CATSPERE: variants seen among roughly 807,000 people sequenced by gnomAD.
CATSPERE encodes cation channel sperm-associated auxiliary subunit epsilon.
Under a neutral mutation model 114.1 loss-of-function variants are expected in CATSPERE, and 93 were observed. The observed-to-expected ratio is 0.81, with a 90% CI of 0.69 to 0.97. CATSPERE has a LOEUF of 0.97. CATSPERE is among the 50% of genes least tolerant of loss of function. The pLI is 0.00. For missense variants in CATSPERE, 1,058 were observed against 1,131.6 expected (o/e 0.93, Z 0.93); for synonymous variants, 341 against 384.1 (o/e 0.89, Z 1.31).
chr1:244,510,835 CTTTTT>C (rs747921082), intron 7 of CATSPERE, among the ~76,000 whole-genome samples: 2 of 48,342 alleles, frequency 4.1e-5, no homozygotes, highest in African/African-American at 6.9e-5. Context: ...TTTTCTTTTT[CTTTTT>C]TTTTTTTTTT....
chr1:244,500,416 G>A (rs1673848049), intron 7 of CATSPERE, among the ~76,000 whole-genome samples: 1 of 152,068 alleles, frequency 6.6e-6, no homozygotes, highest in Non-Finnish European at 1.5e-5. Flanking sequence ...TGAAGTCTTT[G>A]CCCATGCCTA....
rs991088889 is a variant in CATSPERE at position 244,510,251 on chromosome 1, G to A, written c.430-8341G>A. Among the ~76,000 whole-genome samples the A allele has an allele frequency of 7.2e-5, 11 of 152,128 alleles. No individual in the cohort carries two copies. The South Asian group carries it at 1.2e-3, about 17-fold the overall frequency. ...AGCAGTGCTTTTACAGCATCCCATA[G>A]ATTTTGATATGTTGTGTTTCTATCT... On this transcript the variant is annotated intron_variant, in intron 7 of 21. Coordinates refer to ENST00000366534, the MANE Select transcript of CATSPERE (RefSeq NM_001130957.2).
At chr1:244,566,300 G>A (rs368419035) in intron 10 of CATSPERE, among the ~76,000 whole-genome samples, 9 of 152,256 alleles carry the variant, frequency 5.9e-5, no homozygotes, top group Admixed American at 1.3e-4. Context: ...CGTATATTCT[G>A]TCAATTTGGG....
At chr1:244,520,297 T>C (rs1375272886) in intron 8 of CATSPERE, among the ~76,000 whole-genome samples, 1 of 151,544 alleles carries the variant, frequency 6.6e-6, no homozygotes, top group Admixed American at 6.6e-5. Context: ...ATATTTGGTC[T>C]ATATTTGCAG....
upstream of CATSPERE, among the ~76,000 whole-genome samples, chr1:244,460,321 T>C (rs1373160907): frequency 6.6e-6 from 1 of 152,136 alleles, no homozygotes; most frequent in African/African-American, 2.4e-5. Context: ...CTAAGATCGG[T>C]GCTCGAGAGA....
At chr1:244,586,335 C>T (rs575774757) in intron 13 of CATSPERE, among the ~76,000 whole-genome samples, 8 of 152,246 alleles carry the variant, frequency 5.3e-5, no homozygotes, top group African/African-American at 1.9e-4. Context: ...AGAGAAGAAA[C>T]ATTGCAAATG....
chr1:244,461,576 C>T, intron 1 of CATSPERE, 82 bp downstream of exon 1: 1 of 1,165,118 alleles, frequency 8.6e-7, no homozygotes, highest in Non-Finnish European at 1.1e-6. Flanking sequence ...GCTCTCCACC[C>T]CATGCGCCTC....
At chr1:244,623,740 T>C (rs1206878998) in intron 20 of CATSPERE, among the ~76,000 whole-genome samples, 3 of 152,222 alleles carry the variant, frequency 2.0e-5, no homozygotes, top group African/African-American at 7.2e-5. Flanking sequence ...ACAAAACTTA[T>C]GTTTACACTA....
chr1:244,560,883 C>T lies in CATSPERE; in HGVS notation c.1245C>T (p.Val415=). 1 of 1,614,098 alleles carries T rather than the reference C, an allele frequency of 6.2e-7. No homozygotes were observed. The highest frequency in any genetic ancestry group is 8.5e-7 in the Non-Finnish European group (1 of 1,180,000). The part of the protein sequence containing the change: ...VFLNYCTVCN[V]TKKIFLVIYN... ...TAAATTATTGCACTGTATGTAACGTCACCAAAAAGATTTTCTTAGTGATAT... is the reference window on the plus strand; with the variant it reads ...TAAATTATTGCACTGTATGTAACGTTACCAAAAAGATTTTCTTAGTGATAT... Residue 415 remains valine, a synonymous_variant, in exon 10 of 22, where the codon GTC becomes GTT. Transcript: ENST00000366534.
chr1:244,548,522 G>T (rs1660112783), intron 8 of CATSPERE, among the ~76,000 whole-genome samples: 1 of 151,992 alleles, frequency 6.6e-6, no homozygotes, highest in Admixed American at 6.5e-5. Context: ...CTTTGGATAT[G>T]AATTTGTCTT....
Position 244,573,122 on chromosome 1 carries a change from C to A in CATSPERE, c.1950+350C>A, listed in dbSNP as rs1173172832. On this transcript the variant is annotated intron_variant, in intron 11 of 21. Transcript: ENST00000366534. The surrounding 1 kb of genome is among the most constrained non-coding windows in gnomAD (Gnocchi z 4.0). The stretch of plus-strand genomic sequence containing the variant: ...AAACCTAATTGCTTAGAACAACAAC[C>A]AATTCTGGGCCGGGCATGGTGGCTC... 4.6e-5 allele frequency among the ~76,000 whole-genome samples: 7 copies of A among 151,976 alleles called. No homozygotes were observed. The highest frequency in any genetic ancestry group is 1.7e-4 in the African/African-American group (7 of 41,426).
chr1:244,486,800 G>T (rs113878185), intron 5 of CATSPERE, among the ~76,000 whole-genome samples: 10 of 94,362 alleles, frequency 1.1e-4, no homozygotes, highest in South Asian at 3.9e-4. Flanking sequence ...TCGTGGGCCA[G>T]GTGTAGACCC....
intron 18 of CATSPERE, among the ~76,000 whole-genome samples, chr1:244,606,621 T>TC (rs1670040133): frequency 6.7e-6 from 1 of 150,224 alleles, no homozygotes; most frequent in Non-Finnish European, 1.5e-5. Context: ...TTTTTTTTTT[T>TC]TTAAGAGTCT....
intron 8 of CATSPERE, among the ~76,000 whole-genome samples, chr1:244,532,187 TTTTA>T (rs1679723347): frequency 1.3e-5 from 2 of 152,122 alleles, no homozygotes; most frequent in South Asian, 2.1e-4. Flanking sequence ...TCATCCCCAA[TTTTA>T]TTTATTTGAG....
intron 7 of CATSPERE, among the ~76,000 whole-genome samples, chr1:244,510,900 A>G (rs1675644650): frequency 7.8e-6 from 1 of 128,034 alleles, no homozygotes; most frequent in African/African-American, 3.0e-5. Context: ...CTGGAGTGCA[A>G]TGGCACCATC....
At chr1:244,456,469 C>T (rs1572175657), upstream of CATSPERE, among the ~76,000 whole-genome samples, 1 of 151,952 alleles carries the variant, frequency 6.6e-6, no homozygotes, top group South Asian at 2.1e-4. Flanking sequence ...GAAAAATGAG[C>T]GCTTACATCA....
intron 6 of CATSPERE, among the ~76,000 whole-genome samples, chr1:244,497,762 A>C (rs1673351801): frequency 2.0e-5 from 3 of 152,190 alleles, no homozygotes; most frequent in Non-Finnish European, 4.4e-5. Flanking sequence ...GCACCATTGC[A>C]CTCCAGCCTG....
intron 9 of CATSPERE, among the ~76,000 whole-genome samples, chr1:244,553,602 T>TAC (rs67626437): frequency 0.29 from 26,729 of 91,802 alleles, 4,069 homozygotes; most frequent in Middle Eastern, 0.36. Context: ...AAAAAAAAAA[T>TAC]ACACACACAC....
intron 3 of CATSPERE, 72 bp downstream of exon 3, chr1:244,477,686 A>T (rs1321624744): frequency 1.8e-6 from 2 of 1,099,860 alleles, no homozygotes. Context: ...GAACATTGAG[A>T]TTCAAGGCTG....
Sources: allele counts gnomAD v4.1 joint callset (sites outside exome capture counted in the v4.1 genomes callset), GRCh38; gene constraint gnomAD v4.1.1; non-coding constraint Gnocchi (gnomAD v3.1); transcripts MANE v1.5; gene names NCBI Gene and HGNC (gene_info 2026-07-23, HGNC 2026-07-21).